PNPLA6: variants seen among roughly 807,000 people sequenced by gnomAD.
PNPLA6 encodes patatin like domain 6, lysophospholipase, also known as patatin-like phospholipase domain-containing protein 6.
Under a neutral mutation model 153.7 loss-of-function variants are expected in PNPLA6, and 105 were observed. That is an observed-to-expected ratio of 0.68 (90% CI 0.58 to 0.80). The LOEUF is 0.80. Among genes scored for constraint, PNPLA6 ranks in the 30% least tolerant of loss-of-function variants. The pLI is 0.00. For missense variants in PNPLA6, 1,423 were observed against 1,919.3 expected (o/e 0.74, Z 4.83); for synonymous variants, 825 against 822.2 (o/e 1.00, Z -0.06).
chr19:7,544,499 A>G (rs1233562862), intron 13 of PNPLA6, among the ~76,000 whole-genome samples: 2 of 152,160 alleles, frequency 1.3e-5, no homozygotes, highest in Non-Finnish European at 2.9e-5. Context: ...AAATGTACAG[A>G]GCAGCAGGCC....
chr19:7,555,150 G>T lies in PNPLA6; in HGVS notation c.2817+75G>T. 1 of 1,548,318 alleles carries T rather than the reference G, an allele frequency of 6.5e-7. No individual in the cohort carries two copies. The highest frequency in any genetic ancestry group is 8.7e-7 in the Non-Finnish European group (1 of 1,147,262). On this transcript the variant is annotated intron_variant, in intron 22 of 31. Transcript: ENST00000600737. This position sits in a 1 kb window ranked among gnomAD's most constrained non-coding sequence, Gnocchi z 6.3. The stretch of plus-strand genomic sequence containing the variant: ...GGCTTGGGAGACTGGGGCGGGGCCT[G>T]GGAGGGCTGAGGACAGGCTCGAAGG...
In PNPLA6 at chr19:7,557,172, C is replaced by T. The variant is rs1467424546; in HGVS notation, c.3285C>T (p.Ser1095=). The change falls in exon 27 of 32, where the codon TCC becomes TCT. Residue 1095 remains serine, a synonymous_variant. Coordinates refer to ENST00000600737, the MANE Select transcript of PNPLA6 (RefSeq NM_001166114.2). ...TCTGTGTGTCCCACCGCGCAGGCTC[C>T]CTGTGGCGGTACGTGCGCGCCAGCA... ...ASAMRVHKDG[S]LWRYVRASMT... The T allele has an allele frequency of 1.2e-6, 2 of 1,608,424 alleles. No homozygotes were observed. Among genetic ancestry groups the T allele is most frequent in the South Asian group, 2.2e-5 (2 of 90,946 alleles).
At chr19:7,551,174 AGT>A (rs1004869906) in intron 17 of PNPLA6, 67 bp downstream of exon 17, 3 of 472,604 alleles carry the variant, frequency 6.3e-6, no homozygotes, top group African/African-American at 6.5e-5. Flanking sequence ...GGCCGGGCCT[AGT>A]GTGTGGGCGG....
intron 26 of PNPLA6, 141 bp downstream of exon 26, chr19:7,556,865 C>T: frequency 1.4e-6 from 1 of 738,894 alleles, no homozygotes; most frequent in Middle Eastern, 3.6e-4. Context: ...CCACTAACCG[C>T]CACCCACTAA....
chr19:7,545,271 C>T (rs2023339646), intron 13 of PNPLA6, among the ~76,000 whole-genome samples: 1 of 152,110 alleles, frequency 6.6e-6, no homozygotes, highest in Non-Finnish European at 1.5e-5. Flanking sequence ...AAGTGATCCA[C>T]TCGCCTCAGC....
intron 17 of PNPLA6, 72 bp from the exon 18 acceptor site, chr19:7,551,290 T>A: frequency 6.8e-7 from 1 of 1,462,044 alleles, no homozygotes; most frequent in Non-Finnish European, 9.6e-7. Context: ...AGCCCCGGCA[T>A]AGGAGGGAGA....
In PNPLA6 at chr19:7,541,736, T is replaced by C. The variant is rs2023153365; in HGVS notation, c.1168+52T>C. 6.5e-7 allele frequency: 1 copy of C among 1,530,258 alleles called. No homozygotes were observed. The highest frequency in any genetic ancestry group is 2.4e-5 in the East Asian group (1 of 41,226). The allele number at this position is 1,530,258 out of a possible 1,614,324, so 94.8% of individuals were successfully genotyped here. On this transcript the variant is annotated intron_variant, in intron 9 of 31. Transcript: ENST00000600737. The surrounding 1 kb of genome is among the most constrained non-coding windows in gnomAD (Gnocchi z 5.2). ...GCCCAATCTCCCAGGAAGCCCCGTC[T>C]CAGCCGCCAGCCCCTTTTTCAGTTC...
chr19:7,542,396 G>T, intron 10 of PNPLA6, 165 bp from the exon 11 acceptor site: 1 of 676,464 alleles, frequency 1.5e-6, no homozygotes, highest in Non-Finnish European at 2.7e-6. Flanking sequence ...GTGCAGTGGT[G>T]CTGTCATAGC....
chr19:7,557,422 G>T (rs892255925), intron 27 of PNPLA6, 138 bp downstream of exon 27: 5 of 699,582 alleles, frequency 7.1e-6, no homozygotes, highest in African/African-American at 1.7e-5. Context: ...ACACACATGC[G>T]CACACATACG....
chr19:7,542,130 G>A (rs1295761599), intron 10 of PNPLA6, 63 bp downstream of exon 10: 21 of 1,313,932 alleles, frequency 1.6e-5, no homozygotes, highest in Non-Finnish European at 2.3e-5. Flanking sequence ...CAGGTCCACC[G>A]CCTGCCTGTC....
chr19:7,555,421 C>T lies in PNPLA6; in HGVS notation c.2936+54C>T. 1 of 1,394,750 alleles carries T rather than the reference C, an allele frequency of 7.2e-7. No homozygotes were observed. The highest frequency in any genetic ancestry group is 9.8e-7 in the Non-Finnish European group (1 of 1,016,496). The allele number at this position is 1,394,750 out of a possible 1,614,324, so 86.4% of individuals were successfully genotyped here. On this transcript the variant is annotated intron_variant, in intron 23 of 31. Coordinates refer to ENST00000600737, the MANE Select transcript of PNPLA6 (RefSeq NM_001166114.2). This position sits in a 1 kb window ranked among gnomAD's most constrained non-coding sequence, Gnocchi z 6.3. ...GGGGCCTGGATGTCCGAGGGTGGAG[C>T]TTCCTGGGAGAAACCGTGGGGGCGG... is the stretch of plus-strand genomic sequence containing the variant.
At chr19:7,537,936 G>T (rs941471970) in intron 3 of PNPLA6, among the ~76,000 whole-genome samples, 2 of 151,446 alleles carry the variant, frequency 1.3e-5, no homozygotes, top group African/African-American at 4.9e-5. Flanking sequence ...GACTGAGCCC[G>T]GCCAATGGCA....
In PNPLA6 at chr19:7,541,041, G is replaced by T; in HGVS notation, c.914G>T (p.Arg305Leu). ...VFTKYPESLV[R>L]VVQIIMVRLQ... is the part of the protein sequence containing the mutation. The stretch of plus-strand genomic sequence containing the variant: ...ACCAAGTACCCGGAGAGCTTGGTGC[G>T]GGTCGTGCAGGTCAGTGGGCCTTCG... The change falls in exon 7 of 32, where the codon CGG (arginine) becomes CTG (leucine). Residue 305 changes from arginine to leucine, a missense_variant. Transcript: ENST00000600737. The surrounding 1 kb of genome is among the most constrained non-coding windows in gnomAD (Gnocchi z 5.2). 6.2e-7 allele frequency: 1 copy of T among 1,608,886 alleles called. No individual in the cohort carries two copies.
Position 7,539,914 on chromosome 19 carries a change from C to T in PNPLA6, c.414-4C>T. 6.5e-7 allele frequency: 1 copy of T among 1,540,122 alleles called. No homozygotes were observed. The highest frequency in any genetic ancestry group is 8.7e-7 in the Non-Finnish European group (1 of 1,144,618). ...CACCCCCGGCACCCCTCCCCTCCCA[C>T]CAGGATCCTGCGCATCCAGAAAGAG... On this transcript the variant is annotated splice_polypyrimidine_tract_variant and splice_region_variant and intron_variant, in intron 3 of 31. Transcript: ENST00000600737.
chr19:7,549,768 T>C, intron 13 of PNPLA6, 139 bp from the exon 14 acceptor site: 1 of 830,884 alleles, frequency 1.2e-6, no homozygotes, highest in Non-Finnish European at 2.0e-6. Flanking sequence ...ATTACAGCCG[T>C]GAGCCACCGC....
At position 7,561,254 on chromosome 19, in the gene PNPLA6, C is replaced by T. The variant is rs748560638; in HGVS notation, c.3960C>T (p.Pro1320=). The change falls in exon 31 of 32, where the codon CCC becomes CCT. Residue 1320 remains proline (P), a synonymous_variant. Transcript: ENST00000600737. ...CLTEYEEDAG[P]DCSRDEGGSP... Reference sequence around the variant, plus strand: ...CAGAGTATGAGGAGGACGCCGGACCCGACTGCTCGAGGGATGAAGGGGGGT... The same window carrying T: ...CAGAGTATGAGGAGGACGCCGGACCTGACTGCTCGAGGGATGAAGGGGGGT... The T allele has an allele frequency of 8.1e-6, 13 of 1,610,810 alleles. No homozygotes were observed. The highest frequency in any genetic ancestry group is 3.4e-5 in the Admixed American group (2 of 59,406).
chr19:7,543,822 T>TG (rs1337834025), intron 13 of PNPLA6, among the ~76,000 whole-genome samples: 3 of 151,582 alleles, frequency 2.0e-5, no homozygotes, highest in Non-Finnish European at 1.5e-5. Context: ...TCTTTTTTTT[T>TG]TTTTTTGAGA....
At chr19:7,550,718 T>G (rs2146088850) in intron 16 of PNPLA6, 78 bp downstream of exon 16, 4,287 of 1,336,230 alleles carry the variant, frequency 3.2e-3, no homozygotes, top group Non-Finnish European at 4.1e-3. Flanking sequence ...TCATCCCGGG[T>G]AATCCAGGGA....
chr19:7,561,061 G>A lies in PNPLA6; in HGVS notation c.3864G>A (p.Val1288=). ...SSGFTDLAEI[V]SRIEPPTSYV... is the part of the protein sequence containing the mutation. ...GCTTCACTGACTTGGCAGAGATTGT[G>A]TCCCGGATTGAGCCCCCCACGAGCT... Residue 1288 remains valine, a synonymous_variant, in exon 30 of 32, where the codon GTG becomes GTA. Transcript: ENST00000600737. The A allele has an allele frequency of 1.2e-6, 2 of 1,613,458 alleles. No individual in the cohort carries two copies. Among genetic ancestry groups the A allele is most frequent in the Non-Finnish European group, 1.7e-6 (2 of 1,179,810 alleles).
Sources: gnomAD v4.1 joint callset for allele counts (sites outside exome capture counted in the v4.1 genomes callset) on GRCh38, gnomAD v4.1.1 for gene constraint, Gnocchi (gnomAD v3.1) non-coding constraint, MANE v1.5 for transcripts, NCBI Gene and HGNC (gene_info 2026-07-23, HGNC 2026-07-21) for gene names.